Variants in TXNDC11 observed in about 807,000 individuals in gnomAD.
TXNDC11 encodes thioredoxin domain-containing protein 11.
Under a neutral mutation model 78.0 loss-of-function variants are expected in TXNDC11, and 68 were observed. That is an observed-to-expected ratio of 0.87 (90% CI 0.72 to 1.07). The LOEUF is 1.07. Among genes scored for constraint, TXNDC11 ranks in the 50% least tolerant of loss-of-function variants. TXNDC11 has a pLI of 0.00. For synonymous variants in TXNDC11, 571 were observed against 495.2 expected (o/e 1.15, Z -2.03); for missense variants, 1,389 against 1,221.8 (o/e 1.14, Z -2.04).
chr16:11,700,492 G>C lies in TXNDC11; in HGVS notation c.866C>G (p.Ser289Cys), dbSNP rs2050981772. The C allele has an allele frequency of 6.3e-7, 1 of 1,595,238 alleles. No individual in the cohort carries two copies. The highest frequency in any genetic ancestry group is 1.1e-5 in the South Asian group (1 of 90,184). The change falls in exon 6 of 12, where the codon TCT becomes TGT. Residue 289 changes from serine (S) to cysteine (C), a missense_variant. Coordinates refer to ENST00000283033, the MANE Select transcript of TXNDC11 (RefSeq NM_015914.7). ...ATGTCTATGTAAATACACACTTCCA[G>C]AGTGTACTAAGGATACCAGTTTCGC... ...HLAKLVSLVH[S>C]GSVYLHRHFN...
chr16:11,721,364 C>T (rs1006053426), intron 5 of TXNDC11: 3 of 303,360 alleles, frequency 9.9e-6, no homozygotes, highest in South Asian at 6.0e-5. Context: ...TCGCTTGAAC[C>T]CGGGAGGCAG....
intron 4 of TXNDC11, among the ~76,000 whole-genome samples, chr16:11,727,183 T>G (rs2051907163): frequency 6.6e-6 from 1 of 152,024 alleles, no homozygotes; most frequent in Admixed American, 6.5e-5. Flanking sequence ...GAGACAAATT[T>G]ATAATTAATC....
At position 11,712,929 on chromosome 16, in the gene TXNDC11, AACACACACACAC is replaced by A. The variant is rs111887849; in HGVS notation, c.793+8636_793+8647del. On this transcript the variant is annotated intron_variant, in intron 5 of 11. Transcript: ENST00000283033. ...ATGGAGAAACCCCATTTCCACTTAAAACACACACACACACACACACACACACACAGAAATCAG... is the reference window on the plus strand; with the variant it reads ...ATGGAGAAACCCCATTTCCACTTAAAACACACACACACACACAGAAATCAG... Among the ~76,000 whole-genome samples the A allele has an allele frequency of 1.6e-3, 233 of 142,086 alleles. 4 individuals are homozygous for A. In the East Asian group the frequency reaches 0.038, roughly 23 times the overall value. 93.2% of individuals were successfully genotyped at this position (142,086 alleles called of 152,430 possible). A position where few individuals can be genotyped will look rare whatever the true frequency, so the allele number is the denominator to read the frequency against.
At position 11,679,395 on chromosome 16, in the gene TXNDC11, A is replaced by G; in HGVS notation, c.2677T>C (p.Trp893Arg). ...ASENLLTENT[W>R]LKILVATMER... is the part of the protein sequence containing the mutation. ...ATGGTCGCCACCAGGATCTTGAGCC[A>G]CGTGTTCTCGGTAAGGAGGTTTTCT... is the stretch of plus-strand genomic sequence containing the variant. The change falls in exon 12 of 12, where the codon TGG becomes CGG. Residue 893 changes from tryptophan (W) to arginine (R), a missense_variant. By Grantham distance (101) the Trp-to-Arg change is moderately radical (BLOSUM62 -3). Coordinates refer to ENST00000283033, the MANE Select transcript of TXNDC11 (RefSeq NM_015914.7). The surrounding 1 kb of genome is among the most constrained non-coding windows in gnomAD (Gnocchi z 4.6). 1 of 1,610,272 alleles carries G rather than the reference A, an allele frequency of 6.2e-7. No homozygotes were observed. Among genetic ancestry groups the G allele is most frequent in the Non-Finnish European group, 8.5e-7 (1 of 1,178,632 alleles).
At chr16:11,737,376 C>T (rs907018558) in intron 1 of TXNDC11, among the ~76,000 whole-genome samples, 1 of 150,390 alleles carries the variant, frequency 6.6e-6, no homozygotes, top group Admixed American at 6.7e-5. Context: ...ACCCGGGAGG[C>T]GGAGGTTGCA....
intron 5 of TXNDC11, among the ~76,000 whole-genome samples, chr16:11,709,414 A>G (rs1567323014): frequency 2.3e-5 from 3 of 130,660 alleles, no homozygotes; most frequent in Admixed American, 7.8e-5. Flanking sequence ...TGCGTAGCTA[A>G]TTTTTTGTAT....
Position 11,738,288 on chromosome 16 carries a change from ACCTT to A in TXNDC11, c.255-2059_255-2056del, listed in dbSNP as rs1465956490. The stretch of plus-strand genomic sequence containing the variant: ...TTTATTCACTCAAACTAATATTTTA[ACCTT>A]CAATCAGAGAGCTTTCAGTCTATGC... On this transcript the variant is annotated intron_variant, in intron 1 of 11. Coordinates refer to ENST00000283033, the MANE Select transcript of TXNDC11 (RefSeq NM_015914.7). 3.3e-5 allele frequency among the ~76,000 whole-genome samples: 5 copies of A among 152,374 alleles called. No individual in the cohort carries two copies. In the East Asian group the frequency reaches 9.6e-4, roughly 29 times the overall value.
intron 1 of TXNDC11, chr16:11,742,228 C>A: frequency 2.3e-6 from 1 of 426,272 alleles, no homozygotes; most frequent in Non-Finnish European, 4.1e-6. Context: ...CGACCCGCCT[C>A]CCTCGGCACT....
intron 4 of TXNDC11, among the ~76,000 whole-genome samples, chr16:11,730,420 G>A (rs540478488): frequency 1.2e-4 from 18 of 152,228 alleles, no homozygotes; most frequent in African/African-American, 2.4e-4. Context: ...ATTCCCTAAC[G>A]AAAAACAAAG....
At chr16:11,730,146 G>T (rs2052005168) in intron 4 of TXNDC11, among the ~76,000 whole-genome samples, 1 of 152,094 alleles carries the variant, frequency 6.6e-6, no homozygotes, top group Non-Finnish European at 1.5e-5. Context: ...GGGGAAGCAG[G>T]AAAGAAGCTA....
chr16:11,711,248 T>C (rs576562873), intron 5 of TXNDC11, among the ~76,000 whole-genome samples: 1 of 152,330 alleles, frequency 6.6e-6, no homozygotes, highest in South Asian at 2.1e-4. Flanking sequence ...GAGTGAGCTC[T>C]GCACCAGGGT....
intron 5 of TXNDC11, among the ~76,000 whole-genome samples, chr16:11,704,911 C>A (rs1254279900): frequency 8.2e-6 from 1 of 121,270 alleles, no homozygotes; most frequent in African/African-American, 2.9e-5. Flanking sequence ...ACTTCTTTTT[C>A]TTTCTTTTTT....
chr16:11,709,560 G>T (rs1048476697), intron 5 of TXNDC11, among the ~76,000 whole-genome samples: 1 of 148,538 alleles, frequency 6.7e-6, no homozygotes, highest in African/African-American at 2.5e-5. Flanking sequence ...TCAGCCTCCC[G>T]AGTAGCTGGG....
chr16:11,688,010 G>A (rs2141978526), intron 9 of TXNDC11, 44 bp from the exon 10 acceptor site: 1 of 1,401,832 alleles, frequency 7.1e-7, no homozygotes, highest in East Asian at 2.3e-5. Context: ...CGGGAAATGG[G>A]CTCTTCTTCA....
At chr16:11,712,169 T>G (rs922522780) in intron 5 of TXNDC11, among the ~76,000 whole-genome samples, 1 of 152,106 alleles carries the variant, frequency 6.6e-6, no homozygotes, top group African/African-American at 2.4e-5. Flanking sequence ...GTAGAAAATA[T>G]CACTACATAA....
chr16:11,699,579 T>C (rs2050952916), intron 6 of TXNDC11, among the ~76,000 whole-genome samples: 1 of 152,204 alleles, frequency 6.6e-6, no homozygotes, highest in Admixed American at 6.5e-5. Flanking sequence ...GAATATAAAC[T>C]GCAAGAAGTA....
chr16:11,712,169 T>C (rs922522780), intron 5 of TXNDC11, among the ~76,000 whole-genome samples: 1 of 152,106 alleles, frequency 6.6e-6, no homozygotes, highest in Non-Finnish European at 1.5e-5. Flanking sequence ...GTAGAAAATA[T>C]CACTACATAA....
rs559764698 is a variant in TXNDC11 at position 11,703,016 on chromosome 16, C to T, written c.794-2452G>A. On this transcript the variant is annotated intron_variant, in intron 5 of 11. Transcript: ENST00000283033. ...AAACGGGAAGGCAGGGCTGAGGAGG[C>T]CTGGCACTGAGTAGGCCTTTTTGTA... Among the ~76,000 whole-genome samples, 300 of 152,256 alleles carry T rather than the reference C, an allele frequency of 2.0e-3. 1 individual carries two copies. Among genetic ancestry groups the T allele is most frequent in the Non-Finnish European group, 1.4e-3 (93 of 68,016 alleles).
rs546450492 is a variant in TXNDC11 at position 11,683,288 on chromosome 16, T to C, written c.2234+877A>G. Among the ~76,000 whole-genome samples the C allele has an allele frequency of 1.2e-4, 18 of 152,334 alleles. No individual in the cohort carries two copies. In the South Asian group the frequency reaches 3.7e-3, roughly 32 times the overall value. On this transcript the variant is annotated intron_variant, in intron 11 of 11. Coordinates refer to ENST00000283033, the MANE Select transcript of TXNDC11 (RefSeq NM_015914.7). ...CCGTTAAGAACTGCACCTGGAATAC[T>C]GATTAGGCAAGTGTGAAAAAATCAA... is the stretch of plus-strand genomic sequence containing the variant.
Sources: gnomAD v4.1 joint callset for allele counts (sites outside exome capture counted in the v4.1 genomes callset) on GRCh38, gnomAD v4.1.1 for gene constraint, Gnocchi (gnomAD v3.1) non-coding constraint, MANE v1.5 for transcripts, NCBI Gene and HGNC (gene_info 2026-07-23, HGNC 2026-07-21) for gene names.